The following FAM184A variants were observed in gnomAD, a reference collection of about 807,000 sequenced individuals.
The protein encoded by FAM184A is family with sequence similarity 184 member A.
In FAM184A, 99 loss-of-function variants were observed where a neutral mutation model predicts 143.8. The observed-to-expected ratio is 0.69, with a 90% CI of 0.58 to 0.81. The LOEUF (loss-of-function observed/expected upper bound fraction) is 0.81, where lower values mean the gene tolerates loss of function less well. Among genes scored for constraint, FAM184A ranks in the 40% least tolerant of loss-of-function variants. The pLI, the probability that FAM184A is intolerant of heterozygous loss-of-function variation, is 0.00. For missense variants in FAM184A, 1,217 were observed against 1,310.5 expected (o/e 0.93, Z 1.10); for synonymous variants, 427 against 446.4 (o/e 0.96, Z 0.55).
upstream of FAM184A, chr6:119,078,761 G>T (rs1460035431): frequency 1.3e-5 from 2 of 152,818 alleles, no homozygotes; most frequent in Non-Finnish European, 2.9e-5. This position sits in a 1 kb window ranked among gnomAD's most constrained non-coding sequence, Gnocchi z 5.5. Context: ...GCGCGGGGAC[G>T]GCGACGTCAT....
At chr6:119,144,601 C>A (rs1772361961) in intron 1 of FAM184A, among the ~76,000 whole-genome samples, 1 of 152,350 alleles carries the variant, frequency 6.6e-6, no homozygotes, top group Non-Finnish European at 1.5e-5. Flanking sequence ...ACTTGGGGAA[C>A]AAACTCTTTC....
At chr6:118,960,221 T>C (rs750813521) in intron 17 of FAM184A, 37 bp from the exon 18 acceptor site, 11 of 1,573,920 alleles carry the variant, frequency 7.0e-6, no homozygotes, top group Admixed American at 1.8e-5. Context: ...AACCCAGCAT[T>C]AAGTCATTTT....
rs66707302 is a variant in FAM184A, at chr6:119,115,970, A to AACACACACACACACACAC, written c.-202+33090_-202+33107dup. Among the ~76,000 whole-genome samples the AACACACACACACACACAC allele has an allele frequency of 3.4e-3, 468 of 137,374 alleles. 4 individuals are homozygous for AACACACACACACACACAC. Among genetic ancestry groups the AACACACACACACACACAC allele is most frequent in the Non-Finnish European group, 5.0e-3 (312 of 62,934 alleles). The allele number at this position is 137,374 out of a possible 152,430, so 90.1% of individuals were successfully genotyped here. A position where few individuals can be genotyped will look rare whatever the true frequency, so the allele number is the denominator to read the frequency against. On this transcript the variant is annotated intron_variant, in intron 1 of 16. Coordinates refer to the FAM184A transcript ENST00000352896. Reference sequence around the variant, plus strand: ...GGTGACAGAGAAAGACTCCGTCTCAAACACACACACACACACACACACACA... The same window carrying AACACACACACACACACAC: ...GGTGACAGAGAAAGACTCCGTCTCAAACACACACACACACACACACACACACACACACACACACACACA...
In FAM184A at chr6:118,980,286, AGTT is replaced by A; in HGVS notation, c.2150_2152del (p.Gln717del). Reference sequence around the variant, plus strand: ...TCGTTCTTGCGTAAACTGGGCTTGCAGTTGTTGCAAAGAAGTCTGAGACTGGGA... The same window carrying A: ...TCGTTCTTGCGTAAACTGGGCTTGCAGTTGCAAAGAAGTCTGAGACTGGGA... On this transcript the variant is annotated inframe_deletion, in exon 10 of 18. Transcript: ENST00000338891. The A allele has an allele frequency of 1.2e-6, 2 of 1,614,118 alleles. No individual in the cohort carries two copies. The highest frequency in any genetic ancestry group is 1.7e-6 in the Non-Finnish European group (2 of 1,180,002).
chr6:119,100,399 G>A (rs73533335), intron 1 of FAM184A, among the ~76,000 whole-genome samples: 4,207 of 152,100 alleles, frequency 0.028, 214 homozygotes, highest in African/African-American at 0.097. Flanking sequence ...AAGGAAGCAA[G>A]GGTTTTTATC....
chr6:119,072,464 C>T (rs1787726270), intron 1 of FAM184A, among the ~76,000 whole-genome samples: 1 of 152,162 alleles, frequency 6.6e-6, no homozygotes, highest in Admixed American at 6.5e-5. Flanking sequence ...AGACTCAAGT[C>T]ATAAGCAATA....
At chr6:119,090,861 C>A (rs1788346188) in intron 1 of FAM184A, among the ~76,000 whole-genome samples, 1 of 152,182 alleles carries the variant, frequency 6.6e-6, no homozygotes, top group African/African-American at 2.4e-5. Context: ...CCATGTCAGG[C>A]TGAGGCTGCT....
intron 1 of FAM184A, among the ~76,000 whole-genome samples, chr6:119,098,655 G>T (rs1005814709): frequency 1.3e-5 from 2 of 152,206 alleles, no homozygotes; most frequent in Non-Finnish European, 2.9e-5. Flanking sequence ...GAGTTCAGCA[G>T]ACAGAAATGA....
intron 1 of FAM184A, among the ~76,000 whole-genome samples, chr6:119,056,292 T>C (rs1193054500): frequency 6.6e-6 from 1 of 152,216 alleles, no homozygotes; most frequent in African/African-American, 2.4e-5. Context: ...TTTTGGTTTA[T>C]TTGTTATTTG....
chr6:119,007,000 G>C (rs1044628494), intron 6 of FAM184A, among the ~76,000 whole-genome samples: 2 of 152,102 alleles, frequency 1.3e-5, no homozygotes, highest in East Asian at 1.9e-4. Flanking sequence ...TATTTCATTT[G>C]AGTCCATATC....
At chr6:118,975,269 T>G (rs1783812445) in intron 12 of FAM184A, 61 bp from the exon 13 acceptor site, 1 of 1,218,564 alleles carries the variant, frequency 8.2e-7, no homozygotes, top group African/African-American at 1.5e-5. Flanking sequence ...TGTGTTTATC[T>G]GCGGGAAAGA....
intron 1 of FAM184A, among the ~76,000 whole-genome samples, chr6:119,108,128 AGT>A (rs57693047): frequency 0.032 from 4,748 of 147,342 alleles, 434 homozygotes; most frequent in Admixed American, 0.19. Flanking sequence ...AGCACTTGTT[AGT>A]GTGTGTGTGT....
chr6:119,040,015 A>G (rs1786262238), intron 1 of FAM184A, among the ~76,000 whole-genome samples: 1 of 152,212 alleles, frequency 6.6e-6, no homozygotes, highest in African/African-American at 2.4e-5. Flanking sequence ...ATCATGGGAA[A>G]AAGGTGAGCC....
At chr6:119,041,211 A>T (rs1192098674) in intron 1 of FAM184A, among the ~76,000 whole-genome samples, 2 of 152,176 alleles carry the variant, frequency 1.3e-5, no homozygotes, top group Non-Finnish European at 2.9e-5. Flanking sequence ...GGCCAGCCCA[A>T]GGCCGCAGAC....
intron 1 of FAM184A, among the ~76,000 whole-genome samples, chr6:119,055,012 T>C (rs1339528325): frequency 6.6e-6 from 1 of 152,090 alleles, no homozygotes; most frequent in East Asian, 1.9e-4. Context: ...TTCATTGCCC[T>C]AAAAGGAAAC....
chr6:119,023,588 T>G, intron 2 of FAM184A, among the ~76,000 whole-genome samples: 1 of 107,642 alleles, frequency 9.3e-6, no homozygotes, highest in African/African-American at 3.5e-5. Context: ...ATTACCTCGC[T>G]AAGCTCACTC....
intron 9 of FAM184A, among the ~76,000 whole-genome samples, chr6:118,997,376 A>C (rs1303358651): frequency 1.3e-5 from 2 of 151,670 alleles, no homozygotes; most frequent in Non-Finnish European, 2.9e-5. Context: ...TTGCTAACAT[A>C]ATGAAAATTC....
chr6:119,094,765 T>TA (rs36001723), intron 1 of FAM184A, among the ~76,000 whole-genome samples: 79,017 of 145,656 alleles, frequency 0.54, 21,129 homozygotes, highest in East Asian at 0.71. Context: ...GATGGAAAAG[T>TA]AAAAAAAAAA....
At position 119,015,190 on chromosome 6, in the gene FAM184A, C is replaced by T. The variant is rs1414335044; in HGVS notation, c.1530+1557G>A. ...AGTCCTCAGAGCCCTCGCTTGCTCT[C>T]GGCGCCTCCTCTGCCTGGGTTCCCA... On this transcript the variant is annotated intron_variant, in intron 5 of 17. Transcript: ENST00000338891. Among the ~76,000 whole-genome samples, 13 of 152,296 alleles carry T rather than the reference C, an allele frequency of 8.5e-5. No individual in the cohort carries two copies. The East Asian group carries it at 1.2e-3, about 14-fold the overall frequency.
Sources: gnomAD v4.1 joint callset for allele counts (sites outside exome capture counted in the v4.1 genomes callset) on GRCh38, gnomAD v4.1.1 for gene constraint, Gnocchi (gnomAD v3.1) non-coding constraint, MANE v1.5 for transcripts, NCBI Gene and HGNC (gene_info 2026-07-23, HGNC 2026-07-21) for gene names.